KSR2: variants seen among roughly 807,000 people sequenced by gnomAD.
The protein encoded by KSR2 is kinase suppressor of ras 2.
A neutral mutation model predicts 107.8 loss-of-function variants in KSR2; 25 were observed. The observed-to-expected ratio is 0.23, with a 90% CI of 0.17 to 0.32. The LOEUF is 0.32. Ranked by LOEUF, KSR2 falls within the 10% of genes least tolerant of loss-of-function variation. The probability of loss-of-function intolerance (pLI) is 1.00; values close to 1 mark genes in which losing one functional copy is unlikely to be tolerated. For synonymous variants in KSR2, 480 were observed against 507.0 expected (o/e 0.95, Z 0.71); for missense variants, 887 against 1,268.9 (o/e 0.70, Z 4.57).
intron 9 of KSR2, among the ~76,000 whole-genome samples, chr12:117,540,895 ACAG>A (rs1048530575): frequency 5.3e-5 from 8 of 152,248 alleles, no homozygotes; most frequent in African/African-American, 1.9e-4. Flanking sequence ...CTCTTTTGTT[ACAG>A]CAGCACCAGG....
At chr12:117,931,316 T>G (rs1195970611) in intron 1 of KSR2, among the ~76,000 whole-genome samples, 3 of 152,188 alleles carry the variant, frequency 2.0e-5, no homozygotes, top group African/African-American at 7.2e-5. Context: ...CATTTTTAAC[T>G]ATCTCAGCCA....
At chr12:117,656,241 C>T (rs993507529) in intron 5 of KSR2, among the ~76,000 whole-genome samples, 12 of 152,090 alleles carry the variant, frequency 7.9e-5, no homozygotes, top group Non-Finnish European at 1.5e-4. Context: ...TTATTGTCTG[C>T]GTATCAGCAT....
chr12:117,688,429 G>A (rs955059520), intron 4 of KSR2, among the ~76,000 whole-genome samples: 1 of 152,092 alleles, frequency 6.6e-6, no homozygotes, highest in Non-Finnish European at 1.5e-5. Context: ...CTAAGTACCC[G>A]CAACTCAAAA....
chr12:117,537,815 C>T (rs1050676234), intron 10 of KSR2, among the ~76,000 whole-genome samples: 1 of 152,180 alleles, frequency 6.6e-6, no homozygotes, highest in African/African-American at 2.4e-5. Flanking sequence ...CTTGAAGACT[C>T]TGGCTGAGGG....
chr12:117,633,804 A>C (rs534376585), intron 5 of KSR2, among the ~76,000 whole-genome samples: 1 of 152,096 alleles, frequency 6.6e-6, no homozygotes, highest in African/African-American at 2.4e-5. Flanking sequence ...CATGGATATA[A>C]GTTTTGGGAG....
At chr12:117,713,627 T>C (rs1257687998) in intron 4 of KSR2, among the ~76,000 whole-genome samples, 1 of 152,052 alleles carries the variant, frequency 6.6e-6, no homozygotes, top group Non-Finnish European at 1.5e-5. Flanking sequence ...TAATTTAAAA[T>C]AGGAAAAGTG....
intron 1 of KSR2, among the ~76,000 whole-genome samples, chr12:117,925,720 T>C (rs1363898887): frequency 6.6e-6 from 1 of 152,170 alleles, no homozygotes; most frequent in Non-Finnish European, 1.5e-5. Context: ...TGGTCTATAT[T>C]TTACAGATGG....
At position 117,539,880 on chromosome 12, in the gene KSR2, A is replaced by G; in HGVS notation, c.1526T>C (p.Ile509Thr). ...PKTNKINKDH[I>T]PVPYQPDSSS... ...GGAGTCTGGCTGGTAAGGGACAGGGATGTGGTCCTGCAGAGAGAAAACAGG... is the reference window on the plus strand; with the variant it reads ...GGAGTCTGGCTGGTAAGGGACAGGGGTGTGGTCCTGCAGAGAGAAAACAGG... The change falls in exon 10 of 20, where the codon ATC (isoleucine) becomes ACC (threonine). Residue 509 changes from isoleucine to threonine, a missense_variant. By Grantham distance (89) the Ile-to-Thr change is moderately conservative (BLOSUM62 -1). Coordinates refer to ENST00000339824, the MANE Select transcript of KSR2 (RefSeq NM_173598.6). 1 of 1,608,606 alleles carries G rather than the reference A, an allele frequency of 6.2e-7. No individual in the cohort carries two copies.
chr12:117,891,930 G>A (rs183903571), intron 1 of KSR2, among the ~76,000 whole-genome samples: 124 of 152,316 alleles, frequency 8.1e-4, no homozygotes, highest in African/African-American at 2.9e-3. Context: ...AGCCCGGGAG[G>A]CTGAAGCTGC....
intron 1 of KSR2, among the ~76,000 whole-genome samples, chr12:117,957,665 G>T (rs1244396050): frequency 2.0e-5 from 3 of 152,012 alleles, no homozygotes; most frequent in Non-Finnish European, 4.4e-5. Context: ...ATTACAAATT[G>T]CCTGGTAGAA....
chr12:117,668,467 T>G (rs1884759404), intron 4 of KSR2, among the ~76,000 whole-genome samples: 1 of 152,154 alleles, frequency 6.6e-6, no homozygotes, highest in African/African-American at 2.4e-5. Context: ...AAGAGTGATA[T>G]AGACAAGGGA....
intron 3 of KSR2, among the ~76,000 whole-genome samples, chr12:117,806,459 T>C (rs187787485): frequency 1.3e-5 from 2 of 152,264 alleles, no homozygotes; most frequent in African/African-American, 4.8e-5. Context: ...TCCATTTCCC[T>C]CTCTCTAAGT....
At chr12:117,664,765 A>C (rs2043603606) in intron 5 of KSR2, among the ~76,000 whole-genome samples, 1 of 152,140 alleles carries the variant, frequency 6.6e-6, no homozygotes. Context: ...CTGGATTCAG[A>C]AGGGACCCCA....
intron 12 of KSR2, among the ~76,000 whole-genome samples, chr12:117,530,095 T>C (rs1875507777): frequency 6.6e-6 from 1 of 152,168 alleles, no homozygotes; most frequent in African/African-American, 2.4e-5. Flanking sequence ...AATGTGATGT[T>C]TGGCATAAAG....
intron 1 of KSR2, among the ~76,000 whole-genome samples, chr12:117,874,846 T>G (rs548126471): frequency 1.4e-4 from 21 of 152,046 alleles, no homozygotes; most frequent in African/African-American, 5.1e-4. Flanking sequence ...AGGTTCCATC[T>G]TCAAATAAAG....
intron 5 of KSR2, among the ~76,000 whole-genome samples, chr12:117,587,611 C>T (rs1399626452): frequency 2.0e-5 from 3 of 152,090 alleles, no homozygotes; most frequent in African/African-American, 7.2e-5. Flanking sequence ...GTCACAGCAG[C>T]CATGGGAAAC....
chr12:117,483,827 A>C (rs1054439481), intron 16 of KSR2, among the ~76,000 whole-genome samples: 2 of 152,352 alleles, frequency 1.3e-5, no homozygotes, highest in African/African-American at 2.4e-5. Context: ...TGCATTGGGC[A>C]CTGGGTGGAT....
At chr12:117,684,123 T>G (rs1885475585) in intron 4 of KSR2, among the ~76,000 whole-genome samples, 1 of 152,146 alleles carries the variant, frequency 6.6e-6, no homozygotes, top group Non-Finnish European at 1.5e-5. Context: ...CTGGCTCCCC[T>G]AGAGCCCTCA....
chr12:117,778,183 AC>A, intron 3 of KSR2, among the ~76,000 whole-genome samples: 1 of 152,026 alleles, frequency 6.6e-6, no homozygotes, highest in Non-Finnish European at 1.5e-5. Flanking sequence ...GCTGACTGCA[AC>A]CTCCACCTCC....
Sources: gnomAD v4.1 joint callset for allele counts (sites outside exome capture counted in the v4.1 genomes callset) on GRCh38, gnomAD v4.1.1 for gene constraint, MANE v1.5 for transcripts, NCBI Gene and HGNC (gene_info 2026-07-23, HGNC 2026-07-21) for gene names.